NKAIN3: variants seen among roughly 807,000 people sequenced by gnomAD.
NKAIN3 encodes the protein sodium/potassium transporting ATPase interacting 3.
Under a neutral mutation model 30.2 loss-of-function variants are expected in NKAIN3, and 25 were observed. That is an observed-to-expected ratio of 0.83 (90% CI 0.60 to 1.16). The LOEUF (loss-of-function observed/expected upper bound fraction) is 1.16, where lower values mean the gene tolerates loss of function less well. NKAIN3 is among the 50% of genes most tolerant of loss of function. The pLI is 0.00. For synonymous variants in NKAIN3, 91 were observed against 89.6 expected, an observed-to-expected ratio of 1.02 and a Z score of -0.09; for missense variants, 225 against 254.1, an observed-to-expected ratio of 0.89 and a Z score of 0.78.
At chr8:62,252,364 A>C (rs62510111) in intron 1 of NKAIN3, among the ~76,000 whole-genome samples, 12,734 of 152,284 alleles carry the variant, frequency 0.084, 671 homozygotes, top group Non-Finnish European at 0.11. Flanking sequence ...GCTTTTCGTT[A>C]TCTTATTCCC....
At chr8:62,471,437 A>C (rs997347389) in intron 1 of NKAIN3, among the ~76,000 whole-genome samples, 1 of 152,174 alleles carries the variant, frequency 6.6e-6, no homozygotes, top group East Asian at 1.9e-4. Flanking sequence ...GTTCTGTGAA[A>C]ACGATGTTTT....
At chr8:62,732,996 G>A (rs1312326036) in intron 3 of NKAIN3, among the ~76,000 whole-genome samples, 2 of 151,622 alleles carry the variant, frequency 1.3e-5, no homozygotes, top group Non-Finnish European at 2.9e-5. Context: ...TATTCATTGT[G>A]ATTTTTAATG....
chr8:62,389,026 C>A (rs551530367), intron 1 of NKAIN3, among the ~76,000 whole-genome samples: 2 of 152,240 alleles, frequency 1.3e-5, no homozygotes, highest in Admixed American at 6.5e-5. Flanking sequence ...ATTGAGCTCA[C>A]CTGCTTTTCT....
intron 4 of NKAIN3, among the ~76,000 whole-genome samples, chr8:62,910,824 A>C (rs1586337504): frequency 6.6e-6 from 1 of 151,584 alleles, no homozygotes; most frequent in East Asian, 1.9e-4. Context: ...AATTAACTCT[A>C]CATATTGATA....
intron 1 of NKAIN3, among the ~76,000 whole-genome samples, chr8:62,553,378 A>T (rs549498254): frequency 1.8e-4 from 28 of 152,304 alleles, no homozygotes; most frequent in African/African-American, 6.5e-4. Context: ...CAGCCACAAT[A>T]TGCAAACCAT....
chr8:62,648,899 A>T (rs1812546575), intron 3 of NKAIN3, among the ~76,000 whole-genome samples: 2 of 152,136 alleles, frequency 1.3e-5, no homozygotes, highest in Admixed American at 1.3e-4. Flanking sequence ...AGGCTGAGAC[A>T]GAGGGTGGTG....
chr8:62,593,097 T>A (rs1303861205), intron 3 of NKAIN3, among the ~76,000 whole-genome samples: 3 of 152,016 alleles, frequency 2.0e-5, no homozygotes, highest in Non-Finnish European at 2.9e-5. Context: ...AAACAATGTG[T>A]CTGTCATATA....
chr8:62,314,907 T>G (rs990901064), intron 1 of NKAIN3, among the ~76,000 whole-genome samples: 3 of 152,114 alleles, frequency 2.0e-5, no homozygotes, highest in African/African-American at 7.2e-5. Flanking sequence ...AAAAACTGAT[T>G]CAGGAGTTTA....
chr8:62,761,211 A>T (rs186518437), intron 4 of NKAIN3, among the ~76,000 whole-genome samples: 1 of 152,128 alleles, frequency 6.6e-6, no homozygotes, highest in South Asian at 2.1e-4. Context: ...AATTGTAGAG[A>T]GTCAAAAGTC....
chr8:62,364,469 T>A (rs1056922868), intron 1 of NKAIN3, among the ~76,000 whole-genome samples: 2 of 152,166 alleles, frequency 1.3e-5, no homozygotes, highest in African/African-American at 4.8e-5. Context: ...AACATTTTTA[T>A]AATGGTGCTT....
intron 3 of NKAIN3, among the ~76,000 whole-genome samples, chr8:62,627,876 G>A (rs962702203): frequency 7.9e-5 from 12 of 151,994 alleles, no homozygotes; most frequent in African/African-American, 2.7e-4. Context: ...ACAAGTTCCC[G>A]AATCCAACTG....
chr8:62,567,286 C>G (rs1428819148), intron 1 of NKAIN3, among the ~76,000 whole-genome samples: 1 of 152,078 alleles, frequency 6.6e-6, no homozygotes, highest in Non-Finnish European at 1.5e-5. Context: ...CAAGATTCTT[C>G]TTAGACTGGT....
At chr8:62,759,929 G>GA (rs1331846720) in intron 4 of NKAIN3, among the ~76,000 whole-genome samples, 2 of 151,846 alleles carry the variant, frequency 1.3e-5, no homozygotes, top group Admixed American at 6.6e-5. Flanking sequence ...AAATTTACAA[G>GA]AAAAAAACAA....
chr8:62,577,075 T>G (rs1401917711), intron 1 of NKAIN3, among the ~76,000 whole-genome samples: 1 of 152,164 alleles, frequency 6.6e-6, no homozygotes, highest in Non-Finnish European at 1.5e-5. Context: ...TAGTTACCTT[T>G]TCAAATTTAT....
At chr8:62,290,641 C>T (rs1813572500) in intron 1 of NKAIN3, among the ~76,000 whole-genome samples, 1 of 152,084 alleles carries the variant, frequency 6.6e-6, no homozygotes, top group African/African-American at 2.4e-5. Context: ...ATTCAGTTTG[C>T]CAGTATTTTA....
intron 1 of NKAIN3, among the ~76,000 whole-genome samples, chr8:62,338,502 A>G (rs1815637679): frequency 1.3e-5 from 2 of 152,042 alleles, no homozygotes; most frequent in Non-Finnish European, 2.9e-5. Flanking sequence ...GAATGCCATG[A>G]AAGGATTAAA....
intron 3 of NKAIN3, among the ~76,000 whole-genome samples, chr8:62,727,734 G>T (rs1265614405): frequency 6.6e-6 from 1 of 152,126 alleles, no homozygotes; most frequent in Non-Finnish European, 1.5e-5. Flanking sequence ...TCATGGGTAA[G>T]AAGGCTCAAT....
intron 1 of NKAIN3, among the ~76,000 whole-genome samples, chr8:62,378,617 G>C (rs1161073910): frequency 6.6e-6 from 1 of 152,170 alleles, no homozygotes. Context: ...TACAGCTCAG[G>C]CTATTGCTTC....
Position 62,972,741 on chromosome 8 carries a change from A to G in NKAIN3, c.*7334A>G, listed in dbSNP as rs1823860218. On this transcript the variant is annotated 3_prime_UTR_variant, in exon 7 of 7. Coordinates refer to ENST00000623646, the MANE Select transcript of NKAIN3 (RefSeq NM_001304533.3). ...TGCAGAATGTGCAGGTTTGTTACAT[A>G]GGTATACATGTGCCATGGTGGTTTG... 6.6e-6 allele frequency among the ~76,000 whole-genome samples: 1 copy of G among 152,166 alleles called. No homozygotes were observed. Among genetic ancestry groups the G allele is most frequent in the African/African-American group, 2.4e-5 (1 of 41,436 alleles).
Sources: allele counts gnomAD v4.1 joint callset (sites outside exome capture counted in the v4.1 genomes callset), GRCh38; gene constraint gnomAD v4.1.1; transcripts MANE v1.5; gene names NCBI Gene and HGNC (gene_info 2026-07-23, HGNC 2026-07-21).